The following NLGN1 variants were observed in gnomAD, a reference collection of about 807,000 sequenced individuals.
NLGN1 encodes neuroligin 1, also known as neuroligin-1.
NLGN1 carries 12 observed loss-of-function variants against 65.5 expected under a neutral mutation model. The ratio of observed to expected loss-of-function variants is 0.18; its 90% confidence interval spans 0.12 to 0.30. The LOEUF (loss-of-function observed/expected upper bound fraction) is 0.30, where lower values mean the gene tolerates loss of function less well. Ranked by LOEUF, NLGN1 falls within the 10% of genes least tolerant of loss-of-function variation. The pLI is 1.00. For missense variants in NLGN1, 750 were observed against 1,007.1 expected, an observed-to-expected ratio of 0.74 and a Z score of 3.46; for synonymous variants, 350 against 359.5, an observed-to-expected ratio of 0.97 and a Z score of 0.30.
At chr3:173,911,945 A>G (rs1405695670) in intron 4 of NLGN1, among the ~76,000 whole-genome samples, 2 of 152,222 alleles carry the variant, frequency 1.3e-5, no homozygotes, top group African/African-American at 2.4e-5. Flanking sequence ...GCAAACAACA[A>G]GAATTTAAAT....
At chr3:173,948,445 G>A (rs370580171) in intron 4 of NLGN1, among the ~76,000 whole-genome samples, 9 of 152,080 alleles carry the variant, frequency 5.9e-5, no homozygotes, top group Non-Finnish European at 7.4e-5. Context: ...AAGTTGAGAC[G>A]GCCAAAAGAC....
chr3:173,541,829 T>C lies in NLGN1; in HGVS notation c.-320-62450T>C, dbSNP rs569412298. On this transcript the variant is annotated intron_variant, in intron 2 of 6. Transcript: ENST00000457714. ...TTCATCGGTGACCTATTTGTTTCTCTTTAAAAATATTTGTGATGTCACCTT... is the reference window on the plus strand; with the variant it reads ...TTCATCGGTGACCTATTTGTTTCTCCTTAAAAATATTTGTGATGTCACCTT... Among the ~76,000 whole-genome samples the C allele has an allele frequency of 5.0e-4, 76 of 152,248 alleles. 2 individuals are homozygous for C. The South Asian group carries it at 0.016, about 32-fold the overall frequency.
chr3:173,554,727 A>G (rs1000270835), intron 2 of NLGN1, among the ~76,000 whole-genome samples: 5 of 152,158 alleles, frequency 3.3e-5, no homozygotes, highest in Non-Finnish European at 5.9e-5. Flanking sequence ...GCTGCTATGA[A>G]TTTTTAATTT....
At chr3:174,056,731 A>G (rs1052969733) in intron 4 of NLGN1, among the ~76,000 whole-genome samples, 6 of 152,056 alleles carry the variant, frequency 3.9e-5, no homozygotes, top group Non-Finnish European at 8.8e-5. Context: ...TTCAAGCACT[A>G]TATTTCAGAC....
intron 4 of NLGN1, among the ~76,000 whole-genome samples, chr3:173,929,688 CT>C (rs1216482685): frequency 2.1e-5 from 3 of 142,030 alleles, no homozygotes; most frequent in African/African-American, 7.7e-5. Context: ...TTTTTTTTTT[CT>C]TTTTTTCTTT....
intron 2 of NLGN1, among the ~76,000 whole-genome samples, chr3:173,439,012 T>G (rs961661985): frequency 2.6e-5 from 4 of 152,204 alleles, no homozygotes; most frequent in Admixed American, 2.0e-4. Context: ...TAAGATTTCC[T>G]TGGTCAAAAC....
At chr3:173,834,564 C>T (rs1440594017) in intron 4 of NLGN1, among the ~76,000 whole-genome samples, 1 of 152,086 alleles carries the variant, frequency 6.6e-6, no homozygotes, top group Non-Finnish European at 1.5e-5. Flanking sequence ...CTTCTAAGTT[C>T]TCTAATGATA....
intron 3 of NLGN1, among the ~76,000 whole-genome samples, chr3:173,806,762 T>C (rs1716757596): frequency 6.6e-6 from 1 of 152,210 alleles, no homozygotes; most frequent in Middle Eastern, 3.4e-3. Context: ...TAGATCCTTG[T>C]TGAAAATTAC....
chr3:173,949,282 T>C (rs912215315), intron 4 of NLGN1, among the ~76,000 whole-genome samples: 6 of 152,188 alleles, frequency 3.9e-5, no homozygotes, highest in Admixed American at 6.5e-5. Flanking sequence ...AGGGGCTTTA[T>C]GTATGATGCA....
At chr3:173,602,012 C>T (rs116559555) in intron 2 of NLGN1, among the ~76,000 whole-genome samples, 488 of 152,022 alleles carry the variant, frequency 3.2e-3, no homozygotes, top group African/African-American at 9.0e-3. Context: ...GTATTATGTG[C>T]GGTGATCATA....
At chr3:173,867,667 A>G (rs1004217000) in intron 4 of NLGN1, among the ~76,000 whole-genome samples, 5 of 152,182 alleles carry the variant, frequency 3.3e-5, no homozygotes, top group Admixed American at 1.3e-4. Flanking sequence ...GAATAAAAAG[A>G]TGATTTATCA....
chr3:174,075,091 T>C (rs1194400867), intron 4 of NLGN1, among the ~76,000 whole-genome samples: 1 of 152,158 alleles, frequency 6.6e-6, no homozygotes, highest in Non-Finnish European at 1.5e-5. Flanking sequence ...TTGGATGAGC[T>C]ATAGATGTTA....
intron 4 of NLGN1, among the ~76,000 whole-genome samples, chr3:174,135,156 T>C (rs1720977396): frequency 6.6e-6 from 1 of 152,242 alleles, no homozygotes. Context: ...TTTGGTATCC[T>C]AAATTAACCA....
chr3:173,809,629 A>C (rs1433643432), intron 4 of NLGN1, among the ~76,000 whole-genome samples: 2 of 152,142 alleles, frequency 1.3e-5, no homozygotes, highest in Non-Finnish European at 2.9e-5. Flanking sequence ...GGTTCTGTTT[A>C]TATAAAGCAA....
intron 4 of NLGN1, among the ~76,000 whole-genome samples, chr3:174,031,949 C>CAA (rs57187388): frequency 2.7e-5 from 4 of 147,732 alleles, no homozygotes; most frequent in African/African-American, 9.9e-5. Context: ...GCTTTAATAA[C>CAA]AAAAAAAAAT....
At chr3:173,942,194 T>C (rs1746273620) in intron 4 of NLGN1, among the ~76,000 whole-genome samples, 1 of 151,776 alleles carries the variant, frequency 6.6e-6, no homozygotes, top group African/African-American at 2.4e-5. Context: ...TATATACACA[T>C]GTGCATATAT....
chr3:174,172,883 A>G (rs1728802566), intron 4 of NLGN1, among the ~76,000 whole-genome samples: 1 of 152,108 alleles, frequency 6.6e-6, no homozygotes, highest in Admixed American at 6.6e-5. Context: ...TAGGGATTGC[A>G]TTAAATCCAT....
intron 4 of NLGN1, among the ~76,000 whole-genome samples, chr3:174,111,645 G>A (rs1015136256): frequency 4.0e-5 from 6 of 151,794 alleles, no homozygotes; most frequent in African/African-American, 1.2e-4. Flanking sequence ...CCTAAAAAAA[G>A]GAAAGCAAAG....
At chr3:173,869,484 A>G (rs1730777909) in intron 4 of NLGN1, among the ~76,000 whole-genome samples, 1 of 152,176 alleles carries the variant, frequency 6.6e-6, no homozygotes, top group African/African-American at 2.4e-5. Context: ...ATCAGAAACT[A>G]GTAGTCTTTC....
Sources: allele counts gnomAD v4.1 joint callset (sites outside exome capture counted in the v4.1 genomes callset), GRCh38; gene constraint gnomAD v4.1.1; transcripts MANE v1.5; gene names NCBI Gene and HGNC (gene_info 2026-07-23, HGNC 2026-07-21).